IL12RB2: variants seen among roughly 807,000 people sequenced by gnomAD.
IL12RB2 encodes interleukin-12 receptor subunit beta-2.
IL12RB2 carries 82 observed loss-of-function variants against 89.4 expected under a neutral mutation model. The ratio of observed to expected loss-of-function variants is 0.92; its 90% CI spans 0.77 to 1.10. The LOEUF is 1.10. IL12RB2 is among the 50% of genes least tolerant of loss of function. The probability of loss-of-function intolerance (pLI) is 0.00; values close to 1 mark genes in which losing one functional copy is unlikely to be tolerated. For missense variants in IL12RB2, 963 were observed against 1,031.9 expected, an observed-to-expected ratio of 0.93 and a Z score of 0.92; for synonymous variants, 368 against 370.1, an observed-to-expected ratio of 0.99 and a Z score of 0.07.
chr1:67,350,036 C>A (rs1156650446), intron 9 of IL12RB2, among the ~76,000 whole-genome samples: 1 of 152,172 alleles, frequency 6.6e-6, no homozygotes, highest in Non-Finnish European at 1.5e-5. Context: ...GCAAACACAG[C>A]CGGAGGCCCC....
intron 1 of IL12RB2, among the ~76,000 whole-genome samples, chr1:67,310,587 G>C (rs970052112): frequency 6.6e-6 from 1 of 152,206 alleles, no homozygotes; most frequent in Non-Finnish European, 1.5e-5. Flanking sequence ...TAGTGTCACT[G>C]AAAAGAAGTA....
rs763813144 is a variant in IL12RB2 at position 67,321,883 on chromosome 1, G to A, written c.358G>A (p.Val120Ile). The A allele has an allele frequency of 1.9e-5, 30 of 1,613,130 alleles. No individual in the cohort carries two copies. The highest frequency in any genetic ancestry group is 2.7e-5 in the African/African-American group (2 of 74,900). Reference sequence around the variant, plus strand: ...TCAAATATGTGGAGCAGAGATCTTCGTTGGTGGTGAGCATTCCATTTTGAA... The same window carrying A: ...TCAAATATGTGGAGCAGAGATCTTCATTGGTGGTGAGCATTCCATTTTGAA... The part of the protein sequence containing the change: ...EIQICGAEIF[V>I]GVAPEQPQNL... Residue 120 changes from valine to isoleucine, a missense_variant, in exon 4 of 17, where the codon GTT (valine) becomes ATT (isoleucine). Transcript: ENST00000674203.
chr1:67,340,437 C>T (rs572887882), intron 9 of IL12RB2, among the ~76,000 whole-genome samples: 1 of 152,312 alleles, frequency 6.6e-6, no homozygotes, highest in South Asian at 2.1e-4. Flanking sequence ...CAAAAATGTC[C>T]TCAACAGTGA....
chr1:67,392,793 G>C (rs892661364), intron 16 of IL12RB2, among the ~76,000 whole-genome samples: 6 of 151,930 alleles, frequency 3.9e-5, no homozygotes, highest in African/African-American at 1.5e-4. Context: ...GCCACGCCTG[G>C]CTAATTTTTT....
In IL12RB2 at chr1:67,396,191, C is replaced by A; in HGVS notation, c.*102C>A. 1.2e-6 allele frequency: 1 copy of A among 818,944 alleles called. No homozygotes were observed. Among genetic ancestry groups the A allele is most frequent in the Non-Finnish European group, 2.1e-6 (1 of 467,716 alleles). 50.7% of individuals were successfully genotyped at this position (818,944 alleles called of 1,614,324 possible). On this transcript the variant is annotated 3_prime_UTR_variant, in exon 17 of 17. Coordinates refer to ENST00000674203, the MANE Select transcript of IL12RB2 (RefSeq NM_001374259.2). Reference sequence around the variant, plus strand: ...CAGCAGCTGTCATCTCTGGGTGCCACCATCGGTCTGGCTGCAGCTAGAGGA... The same window carrying A: ...CAGCAGCTGTCATCTCTGGGTGCCAACATCGGTCTGGCTGCAGCTAGAGGA...
intron 13 of IL12RB2, among the ~76,000 whole-genome samples, chr1:67,378,455 C>T (rs1320996731): frequency 6.6e-6 from 1 of 151,944 alleles, no homozygotes; most frequent in Non-Finnish European, 1.5e-5. Context: ...ATCTAAGTAT[C>T]GGTGCTCTAG....
intron 10 of IL12RB2, among the ~76,000 whole-genome samples, chr1:67,358,821 T>A (rs1280451520): frequency 6.6e-6 from 1 of 152,128 alleles, no homozygotes; most frequent in Non-Finnish European, 1.5e-5. Flanking sequence ...AAAATATTTT[T>A]AAATTTTAAA....
At chr1:67,325,785 T>C (rs185361865) in intron 4 of IL12RB2, among the ~76,000 whole-genome samples, 14 of 152,328 alleles carry the variant, frequency 9.2e-5, no homozygotes, top group African/African-American at 2.6e-4. Flanking sequence ...ACTTCTGTAG[T>C]ATACTCATTT....
chr1:67,379,744 A>G (rs541360424), intron 13 of IL12RB2, among the ~76,000 whole-genome samples: 1 of 152,126 alleles, frequency 6.6e-6, no homozygotes, highest in Non-Finnish European at 1.5e-5. Context: ...ATAAAGTAAA[A>G]ATAAAAGATT....
chr1:67,380,211 A>T, intron 14 of IL12RB2, 88 bp downstream of exon 14: 1 of 1,402,786 alleles, frequency 7.1e-7, no homozygotes, highest in Non-Finnish European at 1.0e-6. Flanking sequence ...AGATAATCAG[A>T]TTTTCTTTAA....
intron 2 of IL12RB2, among the ~76,000 whole-genome samples, chr1:67,315,427 G>A (rs1320337993): frequency 2.0e-5 from 3 of 152,066 alleles, no homozygotes; most frequent in Admixed American, 6.6e-5. Context: ...TCCCTATGTA[G>A]CCATTCATTC....
chr1:67,369,473 T>C (rs1663053726), intron 11 of IL12RB2, among the ~76,000 whole-genome samples: 1 of 152,246 alleles, frequency 6.6e-6, no homozygotes, highest in South Asian at 2.1e-4. Flanking sequence ...GGACAATCGA[T>C]TACCTCTCAA....
At chr1:67,361,371 AC>A (rs1433634648) in intron 10 of IL12RB2, among the ~76,000 whole-genome samples, 1 of 152,224 alleles carries the variant, frequency 6.6e-6, no homozygotes, top group African/African-American at 2.4e-5. Flanking sequence ...GGAATTTAAA[AC>A]AACTATGTTT....
chr1:67,376,165 T>C (rs903865451), intron 13 of IL12RB2, among the ~76,000 whole-genome samples: 2 of 152,116 alleles, frequency 1.3e-5, no homozygotes, highest in Admixed American at 1.3e-4. Flanking sequence ...ATTTTTCTAC[T>C]GGAGAACACA....
At chr1:67,387,700 C>CAAAAAAAAAAAA (rs10667103) in intron 15 of IL12RB2, among the ~76,000 whole-genome samples, 2 of 100,742 alleles carry the variant, frequency 2.0e-5, no homozygotes, top group Non-Finnish European at 3.7e-5. Flanking sequence ...AAGACTGTCT[C>CAAAAAAAAAAAA]AAAAAAAAAA....
intron 10 of IL12RB2, among the ~76,000 whole-genome samples, chr1:67,367,413 A>T (rs915486324): frequency 3.3e-5 from 5 of 150,134 alleles, no homozygotes; most frequent in African/African-American, 9.8e-5. Flanking sequence ...AAAAAGAAAG[A>T]GAGAGAGAAG....
At chr1:67,349,167 T>C (rs1398671208) in intron 9 of IL12RB2, among the ~76,000 whole-genome samples, 1 of 152,212 alleles carries the variant, frequency 6.6e-6, no homozygotes, top group Non-Finnish European at 1.5e-5. Flanking sequence ...ATGAGATTTC[T>C]GGGATGTCTA....
chr1:67,391,356 A>AGTGTGTGTGTGTGT (rs148773328), intron 16 of IL12RB2, among the ~76,000 whole-genome samples: 1 of 140,558 alleles, frequency 7.1e-6, no homozygotes, highest in Non-Finnish European at 1.5e-5. Context: ...TAATAACAGC[A>AGTGTGTGTGTGTGT]GTGTGTGTGT....
intron 1 of IL12RB2, among the ~76,000 whole-genome samples, chr1:67,312,614 A>G (rs1008465599): frequency 4.6e-5 from 7 of 151,978 alleles, no homozygotes; most frequent in African/African-American, 1.7e-4. Flanking sequence ...CAGAATTGAC[A>G]GAAACAACAT....
Sources: allele counts gnomAD v4.1 joint callset (sites outside exome capture counted in the v4.1 genomes callset), GRCh38; gene constraint gnomAD v4.1.1; transcripts MANE v1.5; gene names NCBI Gene and HGNC (gene_info 2026-07-23, HGNC 2026-07-21).